The following COL26A1 variants were observed in gnomAD, a reference collection of about 807,000 sequenced individuals.
COL26A1 encodes the protein collagen type XXVI alpha 1 chain, also known as collagen alpha-1(XXVI) chain.
COL26A1 carries 41 observed loss-of-function variants against 59.3 expected under a neutral mutation model. That is an observed-to-expected ratio of 0.69 (90% confidence interval 0.54 to 0.90). The LOEUF (loss-of-function observed/expected upper bound fraction) is 0.90. Among genes scored for constraint, COL26A1 ranks in the 40% least tolerant of loss-of-function variants. The pLI is 0.00. For missense variants in COL26A1, 612 were observed against 602.3 expected (o/e 1.02, Z -0.17); for synonymous variants, 266 against 256.0 (o/e 1.04, Z -0.37).
intron 3 of COL26A1, among the ~76,000 whole-genome samples, chr7:101,530,075 G>A (rs1795331901): frequency 6.6e-6 from 1 of 152,154 alleles, no homozygotes; most frequent in Non-Finnish European, 1.5e-5. Context: ...AGGAGAGGAG[G>A]TGGACAGATG....
intron 3 of COL26A1, among the ~76,000 whole-genome samples, chr7:101,526,927 T>A (rs953730533): frequency 6.6e-6 from 1 of 152,176 alleles, no homozygotes; most frequent in Non-Finnish European, 1.5e-5. Flanking sequence ...CAGGTCTCTA[T>A]AGTTCTCTTT....
intron 1 of COL26A1, among the ~76,000 whole-genome samples, chr7:101,375,709 C>G (rs1450204426): frequency 6.6e-6 from 1 of 151,088 alleles, no homozygotes; most frequent in Admixed American, 6.6e-5. Flanking sequence ...GAAAATTGGC[C>G]AGGCACGGTG....
chr7:101,438,152 G>A lies in COL26A1; in HGVS notation c.282-9532G>A, dbSNP rs879744355. Among the ~76,000 whole-genome samples, 7 of 151,292 alleles carry A rather than the reference G, an allele frequency of 4.6e-5. 1 individual carries two copies. Among genetic ancestry groups the A allele is most frequent in the Non-Finnish European group, 8.9e-5 (6 of 67,572 alleles). Reference sequence around the variant, plus strand: ...CGAGGCGGGCGGATCACCTGAGGTCGGGAGTTGGAGACCAGGCTAACCAAC... The same window carrying A: ...CGAGGCGGGCGGATCACCTGAGGTCAGGAGTTGGAGACCAGGCTAACCAAC... On this transcript the variant is annotated intron_variant, in intron 2 of 12. Transcript: ENST00000313669.
rs552985916 is a variant in COL26A1, at chr7:101,374,985, G to A, written c.158+11795G>A. 1.8e-3 allele frequency among the ~76,000 whole-genome samples: 266 copies of A among 150,982 alleles called. 1 individual carries two copies. Among genetic ancestry groups the A allele is most frequent in the Middle Eastern group, 3.4e-3 (1 of 294 alleles). ...CTGAGGCAGGAGAATCGCTTGACCTGTGAAGCGGAGGTTGCAGTGAGCCGA... is the reference window on the plus strand; with the variant it reads ...CTGAGGCAGGAGAATCGCTTGACCTATGAAGCGGAGGTTGCAGTGAGCCGA... On this transcript the variant is annotated intron_variant, in intron 1 of 12. Transcript: ENST00000313669.
chr7:101,397,488 T>G (rs1791885110), intron 1 of COL26A1, among the ~76,000 whole-genome samples: 1 of 149,810 alleles, frequency 6.7e-6, no homozygotes, highest in African/African-American at 2.5e-5. Flanking sequence ...TCCTTCTCCT[T>G]TCCTTCTCCT....
intron 1 of COL26A1, among the ~76,000 whole-genome samples, chr7:101,366,159 T>A (rs1247161725): frequency 6.6e-6 from 1 of 152,210 alleles, no homozygotes; most frequent in Non-Finnish European, 1.5e-5. Context: ...AGAGTGTGAC[T>A]GAGTCTCTTT....
intron 1 of COL26A1, among the ~76,000 whole-genome samples, chr7:101,395,710 CA>C (rs1448121658): frequency 7.2e-5 from 11 of 152,166 alleles, no homozygotes; most frequent in Admixed American, 7.2e-4. Flanking sequence ...CGGACTTGAG[CA>C]CAGCAGCCAG....
intron 3 of COL26A1, among the ~76,000 whole-genome samples, chr7:101,476,846 C>T (rs890763363): frequency 1.5e-5 from 2 of 135,012 alleles, no homozygotes; most frequent in Non-Finnish European, 3.1e-5. Context: ...CATGCCCAGC[C>T]ATTTTTTTTT....
At chr7:101,512,175 C>T (rs1794939475) in intron 3 of COL26A1, among the ~76,000 whole-genome samples, 1 of 152,078 alleles carries the variant, frequency 6.6e-6, no homozygotes, top group African/African-American at 2.4e-5. Context: ...CCTGAGTCAG[C>T]ACAGGGGAGG....
At chr7:101,442,366 A>C (rs1220155670) in intron 2 of COL26A1, among the ~76,000 whole-genome samples, 11 of 142,422 alleles carry the variant, frequency 7.7e-5, no homozygotes, top group Non-Finnish European at 1.6e-4. Flanking sequence ...TTGCTCTGTC[A>C]CCCAGATTGG....
chr7:101,394,404 A>G (rs1049538022), intron 1 of COL26A1, among the ~76,000 whole-genome samples: 2 of 151,608 alleles, frequency 1.3e-5, no homozygotes, highest in African/African-American at 2.4e-5. Context: ...TTATAGCACA[A>G]GGGGTTTTGT....
intron 3 of COL26A1, among the ~76,000 whole-genome samples, chr7:101,499,076 G>C (rs1175795726): frequency 6.6e-6 from 1 of 152,224 alleles, no homozygotes; most frequent in Non-Finnish European, 1.5e-5. Flanking sequence ...GGGGCGCGAG[G>C]CATAGCCCAT....
intron 1 of COL26A1, among the ~76,000 whole-genome samples, chr7:101,363,911 G>T (rs10232921): frequency 0.58 from 87,991 of 151,910 alleles, 27,063 homozygotes; most frequent in African/African-American, 0.8. Context: ...CCTATCAGCG[G>T]CCCCAGGACA....
Position 101,447,789 on chromosome 7 carries a change from T to A in COL26A1, c.385+2T>A. ...TCACCGGGAGCAACTGTGATGAGGG[T>A]AAGTTGGCAGGCACTTGGGCTGCAG... On this transcript the variant is annotated splice_donor_variant, in intron 3 of 12. Coordinates refer to ENST00000313669, the MANE Select transcript of COL26A1 (RefSeq NM_001278563.3). LOFTEE classifies it high-confidence loss of function. 1 of 1,591,074 alleles carries A rather than the reference T, an allele frequency of 6.3e-7. No homozygotes were observed. The highest frequency in any genetic ancestry group is 8.6e-7 in the Non-Finnish European group (1 of 1,167,484).
intron 3 of COL26A1, among the ~76,000 whole-genome samples, chr7:101,467,468 C>A (rs114776486): frequency 6.6e-6 from 1 of 151,430 alleles, no homozygotes; most frequent in Non-Finnish European, 1.5e-5. Flanking sequence ...GCATAGTGTG[C>A]GAAGAAGCTG....
intron 1 of COL26A1, among the ~76,000 whole-genome samples, chr7:101,371,081 C>A (rs13235901): frequency 1.3e-5 from 2 of 152,058 alleles, no homozygotes; most frequent in African/African-American, 2.4e-5. Context: ...TTAGCCCTGC[C>A]CACCACCCAC....
chr7:101,466,198 C>T lies in COL26A1; in HGVS notation c.385+18411C>T, dbSNP rs376376619. Among the ~76,000 whole-genome samples, 17 of 152,222 alleles carry T rather than the reference C, an allele frequency of 1.1e-4. No homozygotes were observed. In the South Asian group the frequency reaches 3.1e-3, roughly 28 times the overall value. On this transcript the variant is annotated intron_variant, in intron 3 of 12. Coordinates refer to ENST00000313669, the MANE Select transcript of COL26A1 (RefSeq NM_001278563.3). Reference sequence around the variant, plus strand: ...TGGCTCCACACACTAGTTCTGTGGGCTGGTCGCTTCCTGTCTGAACCTCCA... The same window carrying T: ...TGGCTCCACACACTAGTTCTGTGGGTTGGTCGCTTCCTGTCTGAACCTCCA...
At position 101,387,750 on chromosome 7, in the gene COL26A1, A is replaced by ATT. The variant is rs1298517986; in HGVS notation, c.158+24561_158+24562insTT. Among the ~76,000 whole-genome samples, 148 of 99,102 alleles carry ATT rather than the reference A, an allele frequency of 1.5e-3. 1 individual carries two copies. The highest frequency in any genetic ancestry group is 6.1e-3 in the African/African-American group (139 of 22,708). 65.0% of individuals were successfully genotyped at this position (99,102 alleles called of 152,430 possible). ...TTTTAATATAATTATATATATATAT[A>ATT]TATTTATATATATATATATATATAT... On this transcript the variant is annotated intron_variant, in intron 1 of 12. Coordinates refer to ENST00000313669, the MANE Select transcript of COL26A1 (RefSeq NM_001278563.3).
chr7:101,469,957 A>G (rs1198099820), intron 3 of COL26A1, among the ~76,000 whole-genome samples: 1 of 152,120 alleles, frequency 6.6e-6, no homozygotes, highest in Non-Finnish European at 1.5e-5. Context: ...GTAAATACTC[A>G]AGATTCGTTG....
Sources: gnomAD v4.1 joint callset for allele counts (sites outside exome capture counted in the v4.1 genomes callset) on GRCh38, gnomAD v4.1.1 for gene constraint, MANE v1.5 for transcripts, NCBI Gene and HGNC (gene_info 2026-07-23, HGNC 2026-07-21) for gene names.